The following GMPS variants were observed in gnomAD, a reference collection of about 807,000 sequenced individuals.
The protein encoded by GMPS is GMP synthase [glutamine-hydrolyzing].
In GMPS, 15 loss-of-function variants were observed where a neutral mutation model predicts 77.9. The ratio of observed to expected loss-of-function variants is 0.19; its 90% CI spans 0.13 to 0.30. The LOEUF is 0.30. Ranked by LOEUF, GMPS falls within the 10% of genes least tolerant of loss-of-function variation. The pLI, the probability that GMPS is intolerant of heterozygous loss-of-function variation, is 1.00. For missense variants in GMPS, 590 were observed against 838.8 expected (o/e 0.70, Z 3.66); for synonymous variants, 224 against 275.9 (o/e 0.81, Z 1.86).
At chr3:155,885,211 A>C (rs547254119) in intron 1 of GMPS, among the ~76,000 whole-genome samples, 2 of 152,348 alleles carry the variant, frequency 1.3e-5, no homozygotes, top group East Asian at 3.8e-4. Context: ...AACATATGTC[A>C]GTAGAGACTT....
chr3:155,938,185 A>T lies in GMPS; in HGVS notation c.*493A>T, dbSNP rs771100345. ...AGATGAACATATCAGATAAAGGTAT[A>T]GGTGGGCTATTCCAGCCACTTTTGA... On this transcript the variant is annotated 3_prime_UTR_variant, in exon 16 of 16. Coordinates refer to ENST00000496455, the MANE Select transcript of GMPS (RefSeq NM_003875.3). 2.3e-5 allele frequency: 5 copies of T among 221,806 alleles called. No homozygotes were observed. The highest frequency in any genetic ancestry group is 4.5e-5 in the Non-Finnish European group (5 of 110,960). The allele number at this position is 221,806 out of a possible 1,614,324, so 13.7% of individuals were successfully genotyped here. A position where few individuals can be genotyped will look rare whatever the true frequency, so the allele number is the denominator to read the frequency against.
intron 11 of GMPS, among the ~76,000 whole-genome samples, chr3:155,924,053 T>G (rs113070926): frequency 0.054 from 8,294 of 152,284 alleles, 319 homozygotes; most frequent in East Asian, 0.18. Context: ...GCTAATTTTG[T>G]ATTTTTAGTT....
At chr3:155,915,788 A>C (rs747720219) in intron 8 of GMPS, among the ~76,000 whole-genome samples, 1 of 150,518 alleles carries the variant, frequency 6.6e-6, no homozygotes, top group Non-Finnish European at 1.5e-5. Context: ...CACCCCACTC[A>C]GCCTCCCAAA....
At chr3:155,908,187 T>C (rs1291005610) in intron 5 of GMPS, among the ~76,000 whole-genome samples, 1 of 152,138 alleles carries the variant, frequency 6.6e-6, no homozygotes, top group Non-Finnish European at 1.5e-5. Flanking sequence ...AGGATAGTAG[T>C]GATAGATGCA....
intron 13 of GMPS, among the ~76,000 whole-genome samples, chr3:155,933,838 A>G (rs1046542721): frequency 3.3e-5 from 5 of 152,144 alleles, no homozygotes; most frequent in African/African-American, 4.8e-5. Context: ...CCTTCAAACC[A>G]GTGGCCAGCT....
intron 1 of GMPS, among the ~76,000 whole-genome samples, chr3:155,871,574 C>A (rs1273083228): frequency 6.6e-6 from 1 of 152,232 alleles, no homozygotes; most frequent in African/African-American, 2.4e-5. Flanking sequence ...GTCGCGCACT[C>A]CGTTCTCCCT....
Position 155,931,897 on chromosome 3 carries a change from C to G in GMPS, c.1676+17C>G, listed in dbSNP as rs1208631443. On this transcript the variant is annotated intron_variant, in intron 13 of 15. Coordinates refer to ENST00000496455, the MANE Select transcript of GMPS (RefSeq NM_003875.3). ...CGTTAACAGGTGTGTTTCACAGGAG[C>G]TAGGGTGGGGGCTTGTGTAATGGAA... 1 of 1,124,622 alleles carries G rather than the reference C, an allele frequency of 8.9e-7. No individual in the cohort carries two copies. Among genetic ancestry groups the G allele is most frequent in the African/African-American group, 1.5e-5 (1 of 65,490 alleles). The allele number at this position is 1,124,622 out of a possible 1,614,324, so 69.7% of individuals were successfully genotyped here.
intron 3 of GMPS, among the ~76,000 whole-genome samples, chr3:155,900,560 G>A (rs1041713881): frequency 6.6e-6 from 1 of 152,120 alleles, no homozygotes; most frequent in Non-Finnish European, 1.5e-5. Flanking sequence ...TACTTATAGT[G>A]AAATACGTCT....
At chr3:155,895,924 A>G (rs1309049688) in intron 2 of GMPS, among the ~76,000 whole-genome samples, 1 of 152,260 alleles carries the variant, frequency 6.6e-6, no homozygotes, top group East Asian at 1.9e-4. Context: ...CCTTTGTGAA[A>G]CTAAATATAA....
Position 155,899,800 on chromosome 3 carries a change from T to C in GMPS, c.324+1759T>C, listed in dbSNP as rs373498928. The stretch of plus-strand genomic sequence containing the variant: ...ACCACTGATATTTTTTTATCGTCTT[T>C]ATAGTTTTGCCTTTTTCAGCATGTC... On this transcript the variant is annotated intron_variant, in intron 3 of 15. Transcript: ENST00000496455. Among the ~76,000 whole-genome samples the C allele has an allele frequency of 5.3e-5, 8 of 152,338 alleles. No individual in the cohort carries two copies. In the East Asian group the frequency reaches 7.7e-4, roughly 15 times the overall value.
At chr3:155,871,600 A>C (rs1753908150) in intron 1 of GMPS, among the ~76,000 whole-genome samples, 1 of 152,012 alleles carries the variant, frequency 6.6e-6, no homozygotes, top group Non-Finnish European at 1.5e-5. Context: ...CTTCCTTCTC[A>C]GAGAGGAAAG....
At chr3:155,910,019 C>T (rs1431959953) in intron 5 of GMPS, among the ~76,000 whole-genome samples, 2 of 150,796 alleles carry the variant, frequency 1.3e-5, no homozygotes, top group Non-Finnish European at 3.0e-5. Context: ...CTGAGATGGG[C>T]GGATTACAAG....
At chr3:155,928,019 CTTT>C (rs35962523) in intron 12 of GMPS, among the ~76,000 whole-genome samples, 2 of 67,840 alleles carry the variant, frequency 2.9e-5, no homozygotes, top group African/African-American at 1.3e-4. Flanking sequence ...GCATTTTACA[CTTT>C]TTTTTTTTTT....
intron 5 of GMPS, among the ~76,000 whole-genome samples, chr3:155,908,931 T>C (rs1754962579): frequency 6.6e-6 from 1 of 152,052 alleles, no homozygotes; most frequent in Non-Finnish European, 1.5e-5. Context: ...TCTTAGAATA[T>C]TTAGAAAAGA....
chr3:155,937,557 G>C (rs1179338749), intron 15 of GMPS, 34 bp from the exon 16 acceptor site: 4 of 904,000 alleles, frequency 4.4e-6, no homozygotes, highest in Non-Finnish European at 7.4e-6. Flanking sequence ...ACATGCAGTG[G>C]ATGCTGACTT....
chr3:155,941,120 C>A lies in GMPS; in HGVS notation c.*3428C>A, dbSNP rs77962793. On this transcript the variant is annotated 3_prime_UTR_variant, in exon 16 of 16. Transcript: ENST00000496455. Reference sequence around the variant, plus strand: ...TCAGGGCAAATCTTAAAAGGAAGTTCTTGGCCGGGCGCGGTGGCTCATGCC... The same window carrying A: ...TCAGGGCAAATCTTAAAAGGAAGTTATTGGCCGGGCGCGGTGGCTCATGCC... The A allele has an allele frequency of 0.047, 8,676 of 182,892 alleles. 360 individuals are homozygous for A. The highest frequency in any genetic ancestry group is 0.17 in the East Asian group (1,887 of 11,216). 11.3% of individuals were successfully genotyped at this position (182,892 alleles called of 1,614,324 possible). A position where few individuals can be genotyped will look rare whatever the true frequency, so the allele number is the denominator to read the frequency against.
At chr3:155,903,392 C>T (rs1754779978) in intron 3 of GMPS, among the ~76,000 whole-genome samples, 1 of 152,224 alleles carries the variant, frequency 6.6e-6, no homozygotes, top group Admixed American at 6.5e-5. Flanking sequence ...CAGCCTTCGG[C>T]AGGCTTTCAG....
intron 9 of GMPS, among the ~76,000 whole-genome samples, chr3:155,918,138 T>A (rs1470906266): frequency 6.6e-6 from 1 of 152,126 alleles, no homozygotes; most frequent in East Asian, 1.9e-4. Flanking sequence ...TATGGTTGTG[T>A]TATCTGACTT....
intron 1 of GMPS, among the ~76,000 whole-genome samples, chr3:155,883,360 C>A (rs1301005085): frequency 1.3e-5 from 2 of 151,968 alleles, no homozygotes; most frequent in Admixed American, 1.3e-4. Flanking sequence ...CAGGCATGAG[C>A]CACTGTGCCT....
Sources: gnomAD v4.1 joint callset for allele counts (sites outside exome capture counted in the v4.1 genomes callset) on GRCh38, gnomAD v4.1.1 for gene constraint, MANE v1.5 for transcripts, NCBI Gene and HGNC (gene_info 2026-07-23, HGNC 2026-07-21) for gene names.